The following STAM2 variants were observed in gnomAD, a reference collection of about 807,000 sequenced individuals.
STAM2 encodes the protein signal transducing adaptor molecule 2.
STAM2 carries 51 observed loss-of-function variants against 65.6 expected under a neutral mutation model. That is an observed-to-expected ratio of 0.78 (90% CI 0.62 to 0.98). STAM2 has a LOEUF of 0.98. STAM2 is among the 50% of genes least tolerant of loss of function. The probability of loss-of-function intolerance (pLI) is 0.00; values close to 1 mark genes in which losing one functional copy is unlikely to be tolerated. For missense variants in STAM2, 584 were observed against 617.8 expected (o/e 0.95, Z 0.58); for synonymous variants, 198 against 208.4 (o/e 0.95, Z 0.43).
intron 7 of STAM2, among the ~76,000 whole-genome samples, chr2:152,136,892 C>CTTTT (rs746931542): frequency 4.6e-5 from 6 of 130,108 alleles, no homozygotes; most frequent in Non-Finnish European, 6.6e-5. Flanking sequence ...AAACATTTTT[C>CTTTT]TTTTTTTTTT....
At chr2:152,150,255 C>T (rs746239610) in intron 1 of STAM2, 26 bp from the exon 2 acceptor site, 5 of 1,422,342 alleles carry the variant, frequency 3.5e-6, no homozygotes, top group South Asian at 2.3e-5. Context: ...GCATACACAA[C>T]AATGAGGACA....
chr2:152,169,297 G>C (rs1689856854), intron 1 of STAM2, among the ~76,000 whole-genome samples: 1 of 152,144 alleles, frequency 6.6e-6, no homozygotes, highest in South Asian at 2.1e-4. Context: ...TTGTTCGGGA[G>C]ACAGGATCTG....
At chr2:152,133,831 G>A (rs192252598) in intron 8 of STAM2, among the ~76,000 whole-genome samples, 1 of 152,236 alleles carries the variant, frequency 6.6e-6, no homozygotes, top group African/African-American at 2.4e-5. Flanking sequence ...CCTGAAAACT[G>A]AGTGTTACCA....
intron 1 of STAM2, among the ~76,000 whole-genome samples, chr2:152,168,877 T>C (rs539835250): frequency 1.3e-5 from 2 of 152,368 alleles, no homozygotes; most frequent in African/African-American, 4.8e-5. Flanking sequence ...TATTGTCAAC[T>C]GGTTATCCAA....
At chr2:152,127,233 T>C (rs888474002) in intron 11 of STAM2, among the ~76,000 whole-genome samples, 5 of 142,770 alleles carry the variant, frequency 3.5e-5, no homozygotes, top group African/African-American at 1.3e-4. Context: ...GTCCAATTCT[T>C]TGTTCAAAAT....
chr2:152,150,960 C>G (rs1443310940), intron 1 of STAM2, among the ~76,000 whole-genome samples: 1 of 151,954 alleles, frequency 6.6e-6, no homozygotes, highest in Non-Finnish European at 1.5e-5. Context: ...CCTTGGCTCC[C>G]AAATGTTGGG....
intron 7 of STAM2, among the ~76,000 whole-genome samples, chr2:152,137,689 T>G (rs1689180533): frequency 6.6e-6 from 1 of 152,128 alleles, no homozygotes; most frequent in Non-Finnish European, 1.5e-5. Flanking sequence ...CTTAAACTCC[T>G]AAATCTATTC....
chr2:152,122,224 T>C (rs1325809094), intron 13 of STAM2, among the ~76,000 whole-genome samples: 1 of 151,778 alleles, frequency 6.6e-6, no homozygotes, highest in African/African-American at 2.4e-5. Context: ...TCAGCCTGCT[T>C]TGAGACCAGC....
intron 6 of STAM2, 79 bp downstream of exon 6, chr2:152,144,809 T>C: frequency 8.1e-7 from 1 of 1,227,282 alleles, no homozygotes; most frequent in Non-Finnish European, 1.2e-6. Context: ...AGTGCTGGGA[T>C]TACAGGCGTG....
intron 2 of STAM2, among the ~76,000 whole-genome samples, chr2:152,149,921 T>G (rs1689411227): frequency 6.6e-6 from 1 of 152,166 alleles, no homozygotes; most frequent in Non-Finnish European, 1.5e-5. Flanking sequence ...AAAAAAATGT[T>G]GTTAAGGAAA....
intron 1 of STAM2, among the ~76,000 whole-genome samples, chr2:152,152,971 C>T (rs1579327019): frequency 6.6e-6 from 1 of 152,066 alleles, no homozygotes. Flanking sequence ...AAAATATTTT[C>T]AATATCTTTT....
intron 1 of STAM2, among the ~76,000 whole-genome samples, chr2:152,157,507 A>G (rs1034699323): frequency 6.6e-6 from 1 of 152,218 alleles, no homozygotes; most frequent in South Asian, 2.1e-4. Flanking sequence ...TTGTGTACAC[A>G]CAGCAAGGAA....
chr2:152,135,698 T>C (rs2105537919), intron 7 of STAM2, 95 bp from the exon 8 acceptor site: 3 of 785,960 alleles, frequency 3.8e-6, no homozygotes, highest in South Asian at 3.3e-5. Context: ...CCTTTGAATA[T>C]ATCCGTTTAC....
At position 152,164,795 on chromosome 2, in the gene STAM2, T is replaced by C. The variant is rs187394385; in HGVS notation, c.40+10808A>G. Among the ~76,000 whole-genome samples the C allele has an allele frequency of 2.6e-5, 4 of 152,248 alleles. No homozygotes were observed. The East Asian group carries it at 5.8e-4, about 22-fold the overall frequency. On this transcript the variant is annotated intron_variant, in intron 1 of 13. Coordinates refer to ENST00000263904, the MANE Select transcript of STAM2 (RefSeq NM_005843.6). Reference sequence around the variant, plus strand: ...TAGGAGGAGTTGAGAGAATTGAGCATAAGGGGAGCCAGGACGAAAAGAAGG... The same window carrying C: ...TAGGAGGAGTTGAGAGAATTGAGCACAAGGGGAGCCAGGACGAAAAGAAGG...
intron 7 of STAM2, among the ~76,000 whole-genome samples, chr2:152,142,287 GTAATT>G (rs1439547017): frequency 2.0e-5 from 3 of 152,274 alleles, no homozygotes; most frequent in East Asian, 3.9e-4. Flanking sequence ...TTTGTGAGCA[GTAATT>G]TATTTTAGAA....
intron 12 of STAM2, among the ~76,000 whole-genome samples, chr2:152,125,816 A>C (rs966796956): frequency 6.6e-5 from 10 of 152,366 alleles, no homozygotes; most frequent in African/African-American, 2.4e-4. Flanking sequence ...AATCTTGTTG[A>C]GCAGCAGGAA....
chr2:152,163,024 T>G (rs1689713671), intron 1 of STAM2, among the ~76,000 whole-genome samples: 1 of 152,200 alleles, frequency 6.6e-6, no homozygotes, highest in Non-Finnish European at 1.5e-5. Context: ...AGATTTCAAT[T>G]TGTGCCATCT....
intron 13 of STAM2, among the ~76,000 whole-genome samples, chr2:152,123,175 G>C (rs908125395): frequency 1.3e-5 from 2 of 151,784 alleles, no homozygotes; most frequent in Non-Finnish European, 2.9e-5. Context: ...TTCGAGACCA[G>C]CCTGACCAAT....
chr2:152,133,911 C>T (rs184645818), intron 8 of STAM2, among the ~76,000 whole-genome samples: 162 of 152,246 alleles, frequency 1.1e-3, no homozygotes, highest in African/African-American at 3.7e-3. Flanking sequence ...TTCATAGTTA[C>T]ATCTACGAGT....
Sources: allele counts gnomAD v4.1 joint callset (sites outside exome capture counted in the v4.1 genomes callset), GRCh38; gene constraint gnomAD v4.1.1; transcripts MANE v1.5; gene names NCBI Gene and HGNC (gene_info 2026-07-23, HGNC 2026-07-21).